Variants in PKP2 observed in about 807,000 individuals in gnomAD.
PKP2 encodes plakophilin 2, also known as plakophilin-2.
PKP2 carries 73 observed loss-of-function variants against 83.4 expected under a neutral mutation model. The ratio of observed to expected loss-of-function variants is 0.88; its 90% confidence interval spans 0.72 to 1.06. PKP2 has a LOEUF of 1.06. Among genes scored for constraint, PKP2 ranks in the 50% least tolerant of loss-of-function variants. The pLI is 0.00. For missense variants in PKP2, 966 were observed against 1,065.4 expected, an observed-to-expected ratio of 0.91 and a Z score of 1.30; for synonymous variants, 409 against 430.4, an observed-to-expected ratio of 0.95 and a Z score of 0.62.
intron 9 of PKP2, among the ~76,000 whole-genome samples, chr12:32,804,455 C>T (rs1416403687): frequency 1.3e-5 from 2 of 152,158 alleles, no homozygotes; most frequent in Non-Finnish European, 2.9e-5. Context: ...TGATGCTCTC[C>T]CTCATCCCCC....
At chr12:32,825,385 A>C (rs534695010) in intron 6 of PKP2, among the ~76,000 whole-genome samples, 12 of 152,046 alleles carry the variant, frequency 7.9e-5, no homozygotes, top group Admixed American at 1.3e-4. Flanking sequence ...GTTGGCCAGG[A>C]TGGTCTCTAT....
intron 1 of PKP2, among the ~76,000 whole-genome samples, 180 bp downstream of exon 1, chr12:32,896,329 G>A (rs993571837): frequency 1.3e-5 from 2 of 152,238 alleles, no homozygotes; most frequent in South Asian, 2.1e-4. Context: ...ACAAAGCTGA[G>A]TAATAGGTTA....
At chr12:32,828,755 T>C (rs1421008715) in intron 6 of PKP2, among the ~76,000 whole-genome samples, 1 of 152,164 alleles carries the variant, frequency 6.6e-6, no homozygotes, top group Non-Finnish European at 1.5e-5. Context: ...CCAAGCTTAG[T>C]GTACAGTGTG....
chr12:32,792,473 T>C lies in PKP2; in HGVS notation c.2465A>G (p.Asp822Gly). Reference sequence around the variant, plus strand: ...TTTGGCAGTCCGGCTGTTGACAAAATCTGTCTTCTTAAACTGAGCCTTTGG... The same window carrying C: ...TTTGGCAGTCCGGCTGTTGACAAAACCTGTCTTCTTAAACTGAGCCTTTGG... ...AYKKAQFKKT[D>G]FVNSRTAKAY... Residue 822 changes from aspartate (D) to glycine (G), a missense_variant, in exon 13 of 13, where the codon GAT becomes GGT. Physicochemically the swap from Asp to Gly is moderately conservative, Grantham distance 94. Transcript: ENST00000340811. The C allele has an allele frequency of 6.2e-7, 1 of 1,613,946 alleles. No individual in the cohort carries two copies. The highest frequency in any genetic ancestry group is 8.5e-7 in the Non-Finnish European group (1 of 1,179,834).
chr12:32,858,016 C>A (rs1956763787), intron 4 of PKP2, among the ~76,000 whole-genome samples: 2 of 130,012 alleles, frequency 1.5e-5, no homozygotes, highest in African/African-American at 5.9e-5. Flanking sequence ...CTGCTTGAGC[C>A]CAGGGGTTTG....
chr12:32,890,074 CAAAAAAAAAA>C (rs55957473), intron 1 of PKP2, among the ~76,000 whole-genome samples: 1 of 64,006 alleles, frequency 1.6e-5, no homozygotes, highest in Non-Finnish European at 2.7e-5. Flanking sequence ...GACTCCATCT[CAAAAAAAAAA>C]AAAAAAAAAA....
At chr12:32,825,294 G>T (rs1323782977) in intron 6 of PKP2, among the ~76,000 whole-genome samples, 2 of 148,714 alleles carry the variant, frequency 1.3e-5, no homozygotes, top group Non-Finnish European at 3.0e-5. Flanking sequence ...TCAGCCTCCC[G>T]AGTAGCTGGG....
chr12:32,893,896 A>C (rs1036569601), intron 1 of PKP2: 2 of 144,212 alleles, frequency 1.4e-5, no homozygotes, highest in South Asian at 2.2e-4. Flanking sequence ...ATTTCCTGCC[A>C]CCAGGAGTAA....
At chr12:32,844,347 G>GA (rs1956627497) in intron 5 of PKP2, among the ~76,000 whole-genome samples, 1 of 152,006 alleles carries the variant, frequency 6.6e-6, no homozygotes, top group African/African-American at 2.4e-5. Flanking sequence ...TGTACAATAT[G>GA]AGATAAAAGT....
rs946022100 is a variant in PKP2, at chr12:32,850,887, C to T, written c.1257G>A (p.Leu419=). Reference sequence around the variant, plus strand: ...CATTGTCTTCAAATACTAAGTTTCTCAAGGCCCCACACACAGCTCGCTGAA... The same window carrying T: ...CATTGTCTTCAAATACTAAGTTTCTTAAGGCCCCACACACAGCTCGCTGAA... ...EDVQRAVCGA[L]RNLVFEDNDN... Residue 419 remains leucine, a synonymous_variant, in exon 5 of 13, where the codon TTG becomes TTA. Transcript: ENST00000340811. The T allele has an allele frequency of 2.5e-6, 4 of 1,613,900 alleles. No individual in the cohort carries two copies. Among genetic ancestry groups the T allele is most frequent in the African/African-American group, 1.3e-5 (1 of 74,904 alleles).
At chr12:32,808,827 T>C (rs1249034828) in intron 9 of PKP2, among the ~76,000 whole-genome samples, 3 of 152,154 alleles carry the variant, frequency 2.0e-5, no homozygotes, top group African/African-American at 7.2e-5. Context: ...TAGTTGCCTC[T>C]GCTTTTCCTG....
chr12:32,832,632 C>T (rs1286841694), intron 6 of PKP2, among the ~76,000 whole-genome samples: 4 of 152,120 alleles, frequency 2.6e-5, no homozygotes, highest in South Asian at 2.1e-4. Context: ...TTTGGGAAAG[C>T]CAATCTCTGG....
chr12:32,825,136 C>A (rs7303077), intron 6 of PKP2, among the ~76,000 whole-genome samples: 1 of 148,778 alleles, frequency 6.7e-6, no homozygotes, highest in African/African-American at 2.5e-5. Flanking sequence ...TAAGAACTGT[C>A]CCTATAAAAT....
At chr12:32,885,659 G>GT (rs1591831856) in intron 1 of PKP2, among the ~76,000 whole-genome samples, 2 of 141,932 alleles carry the variant, frequency 1.4e-5, no homozygotes, top group East Asian at 5.1e-4. Flanking sequence ...GCAAGATTCC[G>GT]TCCCCCCCCC....
chr12:32,814,924 T>TA (rs1044035654), intron 9 of PKP2, among the ~76,000 whole-genome samples: 3,297 of 145,898 alleles, frequency 0.023, 116 homozygotes, highest in African/African-American at 0.076. Context: ...GACTCTGTCT[T>TA]AAAAAAAAAA....
intron 3 of PKP2, among the ~76,000 whole-genome samples, chr12:32,869,291 G>A (rs1956878396): frequency 6.6e-6 from 1 of 152,184 alleles, no homozygotes; most frequent in Non-Finnish European, 1.5e-5. Context: ...GATGTCATTC[G>A]ATTGAATTAT....
At chr12:32,835,878 C>T (rs1301069490) in intron 6 of PKP2, among the ~76,000 whole-genome samples, 2 of 152,190 alleles carry the variant, frequency 1.3e-5, no homozygotes, top group East Asian at 3.9e-4. Context: ...CCTCTGGGCT[C>T]AAGCAATCCT....
chr12:32,806,794 G>T (rs1033563725), intron 9 of PKP2, among the ~76,000 whole-genome samples: 7 of 152,046 alleles, frequency 4.6e-5, no homozygotes, highest in African/African-American at 1.7e-4. Flanking sequence ...TAGTTGTGAT[G>T]TTAGGTTGAT....
At chr12:32,836,758 G>C (rs1465449175) in intron 6 of PKP2, among the ~76,000 whole-genome samples, 1 of 152,122 alleles carries the variant, frequency 6.6e-6, no homozygotes, top group Non-Finnish European at 1.5e-5. Context: ...ATATAGCTAA[G>C]ATTAACTCTT....
Sources: gnomAD v4.1 joint callset for allele counts (sites outside exome capture counted in the v4.1 genomes callset) on GRCh38, gnomAD v4.1.1 for gene constraint, MANE v1.5 for transcripts, NCBI Gene and HGNC (gene_info 2026-07-23, HGNC 2026-07-21) for gene names.